Variants in MYO18B observed in about 807,000 individuals in gnomAD.
The protein encoded by MYO18B is myosin XVIIIB.
In MYO18B, 204 loss-of-function variants were observed where a neutral mutation model predicts 273.0. That is an observed-to-expected ratio of 0.75 (90% CI 0.67 to 0.84). The LOEUF is 0.84. MYO18B is among the 40% of genes least tolerant of loss of function. The pLI is 0.00. For missense variants in MYO18B, 3,212 were observed against 3,287.6 expected (o/e 0.98, Z 0.56); for synonymous variants, 1,330 against 1,305.7 (o/e 1.02, Z -0.40).
the MYO18B span, among the ~76,000 whole-genome samples, chr22:26,060,784 A>G: frequency 6.9e-6 from 1 of 144,980 alleles, no homozygotes; most frequent in African/African-American, 2.9e-5. Context: ...ATTTATACAT[A>G]TACACATATG....
At chr22:26,018,779 C>T (rs1044093553) in intron 42 of MYO18B, among the ~76,000 whole-genome samples, 2 of 152,046 alleles carry the variant, frequency 1.3e-5, no homozygotes, top group Non-Finnish European at 2.9e-5. Context: ...ATGGTGAAAC[C>T]CCATCTCTAC....
At chr22:25,955,465 G>A (rs2092839497) in intron 39 of MYO18B, 101 bp downstream of exon 39, 32 of 1,292,418 alleles carry the variant, frequency 2.5e-5, no homozygotes, top group Non-Finnish European at 3.3e-5. Context: ...ATAGGTTTGG[G>A]TCCTGGGCCT....
chr22:25,796,760 A>G (rs955569489), intron 11 of MYO18B, among the ~76,000 whole-genome samples: 1 of 152,232 alleles, frequency 6.6e-6, no homozygotes, highest in East Asian at 1.9e-4. Context: ...TGATTGATTA[A>G]TGATGTCTGT....
At chr22:25,876,508 C>T (rs562077260) in intron 24 of MYO18B, among the ~76,000 whole-genome samples, 176 bp downstream of exon 24, 1 of 152,256 alleles carries the variant, frequency 6.6e-6, no homozygotes, top group Non-Finnish European at 1.5e-5. Context: ...ACAGACAATC[C>T]TCCATCCCAT....
At chr22:26,033,180 G>A (rs1228063550), downstream of MYO18B, among the ~76,000 whole-genome samples, 1 of 152,084 alleles carries the variant, frequency 6.6e-6, no homozygotes, top group African/African-American at 2.4e-5. Flanking sequence ...GAACCTTTGA[G>A]TTTCCATGCA....
chr22:25,803,102 C>T (rs5761215), intron 12 of MYO18B, among the ~76,000 whole-genome samples: 4 of 151,888 alleles, frequency 2.6e-5, no homozygotes, highest in Admixed American at 6.6e-5. Context: ...GCTGGGACTA[C>T]AGGCATGTGC....
chr22:25,822,019 G>A (rs1050205820), intron 12 of MYO18B, among the ~76,000 whole-genome samples: 113 of 152,238 alleles, frequency 7.4e-4, no homozygotes, highest in African/African-American at 2.5e-3. Context: ...TAGCATTCAG[G>A]TGTAAGCATT....
intron 43 of MYO18B, among the ~76,000 whole-genome samples, chr22:26,029,407 C>T (rs1479375362): frequency 2.0e-5 from 3 of 152,152 alleles, no homozygotes. Flanking sequence ...TCAGAGCAAA[C>T]TAATTTGACT....
intron 40 of MYO18B, among the ~76,000 whole-genome samples, chr22:25,997,615 T>C (rs1401209969): frequency 6.6e-6 from 1 of 152,198 alleles, no homozygotes; most frequent in Non-Finnish European, 1.5e-5. Context: ...GCCCATGAAG[T>C]CTCAACACAT....
chr22:25,930,948 C>T (rs1442590559), intron 34 of MYO18B, among the ~76,000 whole-genome samples: 3 of 152,190 alleles, frequency 2.0e-5, no homozygotes, highest in Non-Finnish European at 4.4e-5. Flanking sequence ...GATTCATGCT[C>T]AGTGCCCTTA....
chr22:26,039,160 A>G, the MYO18B span, among the ~76,000 whole-genome samples: 1 of 152,170 alleles, frequency 6.6e-6, no homozygotes, highest in Non-Finnish European at 1.5e-5. Context: ...GATGGTGCCC[A>G]GCCAGCCAGA....
intron 1 of MYO18B, among the ~76,000 whole-genome samples, chr22:25,760,304 A>C (rs747314545): frequency 1.4e-5 from 2 of 147,574 alleles, no homozygotes; most frequent in Non-Finnish European, 3.0e-5. Flanking sequence ...AATCCCAGCT[A>C]CTCGGGTGGC....
intron 39 of MYO18B, among the ~76,000 whole-genome samples, chr22:25,975,309 T>C (rs2093077128): frequency 2.0e-5 from 3 of 152,100 alleles, no homozygotes; most frequent in African/African-American, 4.8e-5. Context: ...TCAGACTCCG[T>C]CAAAAGGAAG....
chr22:25,931,615 G>A (rs2092502051), intron 34 of MYO18B, among the ~76,000 whole-genome samples: 1 of 152,022 alleles, frequency 6.6e-6, no homozygotes, highest in Admixed American at 6.6e-5. Flanking sequence ...GACCGGACAG[G>A]TGGTGGCCAG....
At chr22:25,784,155 C>A (rs776997676) in intron 10 of MYO18B, among the ~76,000 whole-genome samples, 21 of 152,194 alleles carry the variant, frequency 1.4e-4, no homozygotes, top group Non-Finnish European at 2.8e-4. Context: ...CAAAAACCTG[C>A]CAGCGCAGTC....
chr22:25,855,900 A>T (rs116504007), intron 21 of MYO18B, among the ~76,000 whole-genome samples: 2,322 of 151,154 alleles, frequency 0.015, 36 homozygotes, highest in South Asian at 0.053. Context: ...GGTAAATTTC[A>T]TGTTACAAGG....
intron 39 of MYO18B, among the ~76,000 whole-genome samples, chr22:25,963,198 A>T (rs988718691): frequency 6.6e-6 from 1 of 150,648 alleles, no homozygotes; most frequent in African/African-American, 2.5e-5. Flanking sequence ...ACACACACAC[A>T]CACACACACA....
intron 33 of MYO18B, among the ~76,000 whole-genome samples, chr22:25,913,993 A>G (rs1275246206): frequency 6.6e-6 from 1 of 152,212 alleles, no homozygotes; most frequent in Non-Finnish European, 1.5e-5. Context: ...TAGGTCTCTA[A>G]TCCATCTAGA....
intron 12 of MYO18B, among the ~76,000 whole-genome samples, chr22:25,819,208 G>A (rs1046341886): frequency 1.3e-5 from 2 of 152,220 alleles, no homozygotes; most frequent in African/African-American, 4.8e-5. Context: ...TGCACCAGCA[G>A]CATGCATCTC....
Sources: gnomAD v4.1 joint callset for allele counts (sites outside exome capture counted in the v4.1 genomes callset) on GRCh38, gnomAD v4.1.1 for gene constraint, MANE v1.5 for transcripts, NCBI Gene and HGNC (gene_info 2026-07-23, HGNC 2026-07-21) for gene names.